Variants in SLC23A2 observed in about 807,000 individuals in gnomAD.
SLC23A2 encodes Na(+)/L-ascorbic acid transporter 2.
In SLC23A2, 36 loss-of-function variants were observed where a neutral mutation model predicts 73.3. The observed-to-expected ratio is 0.49, with a 90% CI of 0.38 to 0.65. The LOEUF (loss-of-function observed/expected upper bound fraction) is 0.65. SLC23A2 is among the 30% of genes least tolerant of loss of function. The pLI is 0.00. For missense variants in SLC23A2, 507 were observed against 841.6 expected, an observed-to-expected ratio of 0.60 and a Z score of 4.92; for synonymous variants, 343 against 327.3, an observed-to-expected ratio of 1.05 and a Z score of -0.52.
Position 4,893,328 on chromosome 20 carries a change from G to A in SLC23A2, c.482+6227C>T, listed in dbSNP as rs573751357. ...AATCCTCCCGCCTCAGACTCCCAAA[G>A]TGCTGGGATTACAGCCCTGAACCGC... is the stretch of plus-strand genomic sequence containing the variant. On this transcript the variant is annotated intron_variant, in intron 6 of 16. Transcript: ENST00000338244. 4.4e-3 allele frequency among the ~76,000 whole-genome samples: 670 copies of A among 152,234 alleles called. 4 individuals carry two copies. The highest frequency in any genetic ancestry group is 0.015 in the African/African-American group (639 of 41,532).
chr20:4,992,449 A>G (rs2087940727), intron 1 of SLC23A2, among the ~76,000 whole-genome samples: 1 of 152,022 alleles, frequency 6.6e-6, no homozygotes, highest in African/African-American at 2.4e-5. Context: ...ACATGAGTGA[A>G]TACCTATAAA....
intron 1 of SLC23A2, among the ~76,000 whole-genome samples, chr20:4,988,139 A>G (rs1032675757): frequency 2.0e-5 from 3 of 151,778 alleles, no homozygotes; most frequent in Non-Finnish European, 4.4e-5. Flanking sequence ...TCTCTACTAA[A>G]AATACAAAAA....
intron 2 of SLC23A2, among the ~76,000 whole-genome samples, chr20:4,966,270 C>A (rs2087473317): frequency 6.6e-6 from 1 of 152,076 alleles, no homozygotes; most frequent in Admixed American, 6.6e-5. Context: ...TAGCATCATT[C>A]AAGTGTGAGT....
At chr20:5,000,168 G>A (rs1044646673) in intron 1 of SLC23A2, among the ~76,000 whole-genome samples, 1 of 152,112 alleles carries the variant, frequency 6.6e-6, no homozygotes, top group Non-Finnish European at 1.5e-5. Flanking sequence ...TTTTTGAGCT[G>A]AAAAGGGCCC....
intron 4 of SLC23A2, among the ~76,000 whole-genome samples, chr20:4,905,709 T>C (rs1931923048): frequency 6.6e-6 from 1 of 152,204 alleles, no homozygotes; most frequent in African/African-American, 2.4e-5. Flanking sequence ...AGTCTCTTTC[T>C]CTAGGAAATC....
chr20:4,994,736 G>A (rs1007758149), intron 1 of SLC23A2, among the ~76,000 whole-genome samples: 1 of 151,918 alleles, frequency 6.6e-6, no homozygotes, highest in Non-Finnish European at 1.5e-5. Context: ...ACTCCAGCCT[G>A]GGCGACAGAG....
chr20:4,928,190 C>G (rs1444174154), intron 3 of SLC23A2, among the ~76,000 whole-genome samples: 1 of 152,106 alleles, frequency 6.6e-6, no homozygotes, highest in Non-Finnish European at 1.5e-5. Context: ...CAGGCATGCA[C>G]CACCACGTCC....
rs1282317563 is a variant in SLC23A2 at position 4,863,858 on chromosome 20, C to T, written c.1357-951G>A. Among the ~76,000 whole-genome samples, 3 of 152,216 alleles carry T rather than the reference C, an allele frequency of 2.0e-5. No homozygotes were observed. The highest frequency in any genetic ancestry group is 2.9e-5 in the Non-Finnish European group (2 of 68,040). ...AAAGCATCCCAACTCCAGGACTATT[C>T]CCCCATTATAGGCTCTCATAGCACC... is the stretch of plus-strand genomic sequence containing the variant. On this transcript the variant is annotated intron_variant, in intron 13 of 16. Transcript: ENST00000338244. The surrounding 1 kb of genome is among the most constrained non-coding windows in gnomAD (Gnocchi z 4.8).
chr20:4,945,724 C>G (rs182820033), intron 2 of SLC23A2, among the ~76,000 whole-genome samples: 97 of 152,146 alleles, frequency 6.4e-4, no homozygotes, highest in Non-Finnish European at 1.0e-3. Context: ...ACAGGGGTAA[C>G]CGAGAGTGTC....
chr20:4,906,826 G>C (rs1044163653), intron 4 of SLC23A2, among the ~76,000 whole-genome samples: 2 of 152,240 alleles, frequency 1.3e-5, no homozygotes, highest in African/African-American at 4.8e-5. Flanking sequence ...TCAAGAAAAA[G>C]AGATTAATAT....
In SLC23A2 at chr20:4,874,112, GCT is replaced by G; in HGVS notation, c.946-22_946-21del. On this transcript the variant is annotated intron_variant, in intron 10 of 16. Transcript: ENST00000338244. ...GATGATCTGGAGTGGTCAAGGGGAA[GCT>G]CTGTCAGGCCAGCAGGGCTCACAGG... The G allele has an allele frequency of 6.2e-7, 1 of 1,606,888 alleles. No homozygotes were observed. The highest frequency in any genetic ancestry group is 8.5e-7 in the Non-Finnish European group (1 of 1,177,242).
chr20:5,006,012 A>G (rs913241678), upstream of SLC23A2, among the ~76,000 whole-genome samples: 4 of 152,182 alleles, frequency 2.6e-5, no homozygotes. Flanking sequence ...CAGTACTTAT[A>G]TAATGATAGA....
intron 6 of SLC23A2, among the ~76,000 whole-genome samples, chr20:4,894,629 T>G (rs1403782590): frequency 6.6e-6 from 1 of 152,222 alleles, no homozygotes; most frequent in East Asian, 1.9e-4. Flanking sequence ...TGGGTAGTTC[T>G]ATTTAGGTCT....
chr20:4,961,494 T>C (rs1330311487), intron 2 of SLC23A2, among the ~76,000 whole-genome samples: 1 of 152,244 alleles, frequency 6.6e-6, no homozygotes, highest in Non-Finnish European at 1.5e-5. Flanking sequence ...CAGCTGTGAA[T>C]GCAGCCCAAC....
intron 2 of SLC23A2, among the ~76,000 whole-genome samples, chr20:4,963,679 C>A (rs929551449): frequency 6.6e-6 from 1 of 152,088 alleles, no homozygotes; most frequent in African/African-American, 2.4e-5. Context: ...GAAAACTCGT[C>A]TCTACTAAAA....
chr20:4,980,581 G>C (rs1282214625), intron 1 of SLC23A2, among the ~76,000 whole-genome samples: 1 of 150,552 alleles, frequency 6.6e-6, no homozygotes, highest in Non-Finnish European at 1.5e-5. Context: ...GCCCAGGCTA[G>C]ACTGCAGTGG....
chr20:4,952,526 A>C (rs2087219065), intron 2 of SLC23A2, among the ~76,000 whole-genome samples: 1 of 152,138 alleles, frequency 6.6e-6, no homozygotes, highest in Admixed American at 6.6e-5. Flanking sequence ...AAAGAAAAGG[A>C]GGGAAAGAAA....
chr20:4,984,425 G>A (rs1205985180), intron 1 of SLC23A2, among the ~76,000 whole-genome samples: 1 of 151,764 alleles, frequency 6.6e-6, no homozygotes, highest in Admixed American at 6.6e-5. Flanking sequence ...ATGGTGGTGG[G>A]CGCCTGTAGT....
At chr20:4,908,042 T>A (rs1932018793) in intron 4 of SLC23A2, among the ~76,000 whole-genome samples, 2 of 151,902 alleles carry the variant, frequency 1.3e-5, no homozygotes, top group Admixed American at 1.3e-4. Context: ...AGCTCCGTGC[T>A]AAGAGGAAAA....
Sources: allele counts gnomAD v4.1 joint callset (sites outside exome capture counted in the v4.1 genomes callset), GRCh38; gene constraint gnomAD v4.1.1; non-coding constraint Gnocchi (gnomAD v3.1); transcripts MANE v1.5; gene names NCBI Gene and HGNC (gene_info 2026-07-23, HGNC 2026-07-21).